The following PCDHGB3 variants were observed in gnomAD, a reference collection of about 807,000 sequenced individuals.
PCDHGB3 encodes the protein protocadherin gamma subfamily B, 3, also known as protocadherin gamma-B3.
Under a neutral mutation model 59.2 loss-of-function variants are expected in PCDHGB3, and 40 were observed. The ratio of observed to expected loss-of-function variants is 0.68; its 90% CI spans 0.52 to 0.88. The LOEUF is 0.88. Among genes scored for constraint, PCDHGB3 ranks in the 40% least tolerant of loss-of-function variants. The pLI is 0.00. For missense variants in PCDHGB3, 1,309 were observed against 1,187.9 expected (o/e 1.10, Z -1.50); for synonymous variants, 581 against 503.6 (o/e 1.15, Z -2.06).
At chr5:141,425,289 A>C (rs17208404) in intron 1 of PCDHGB3, among the ~76,000 whole-genome samples, 26,691 of 152,172 alleles carry the variant, frequency 0.18, 2,539 homozygotes, top group Admixed American at 0.28. Flanking sequence ...CATATTATAA[A>C]ACCTCATCTA....
At chr5:141,375,619 G>C in intron 1 of PCDHGB3, 1 of 1,614,216 alleles carries the variant, frequency 6.2e-7, no homozygotes, top group Non-Finnish European at 8.5e-7. Flanking sequence ...CCGACACTGG[G>C]ATTCTGTACG....
chr5:141,376,561 A>G (rs780141155), intron 1 of PCDHGB3: 3 of 1,608,212 alleles, frequency 1.9e-6, no homozygotes, highest in South Asian at 1.1e-5. Context: ...CCGCAACCCA[A>G]CTAATCAGAC....
intron 1 of PCDHGB3, among the ~76,000 whole-genome samples, chr5:141,484,389 G>A (rs1336850919): frequency 6.6e-6 from 1 of 152,140 alleles, no homozygotes; most frequent in Non-Finnish European, 1.5e-5. Flanking sequence ...GAATAAGAAA[G>A]GTTTGGTTTC....
chr5:141,489,999 G>C lies in PCDHGB3; in HGVS notation c.2416-4808G>C, dbSNP rs772783990. Reference sequence around the variant, plus strand: ...CAGTTCTACGTGTGGGAATCCCAGAGAATGCACCCATTGGTACTCTGCTGC... The same window carrying C: ...CAGTTCTACGTGTGGGAATCCCAGACAATGCACCCATTGGTACTCTGCTGC... On this transcript the variant is annotated intron_variant, in intron 1 of 3. Coordinates refer to ENST00000576222, the MANE Select transcript of PCDHGB3 (RefSeq NM_018924.5). This position sits in a 1 kb window ranked among gnomAD's most constrained non-coding sequence, Gnocchi z 4.5. 6.2e-7 allele frequency: 1 copy of C among 1,614,242 alleles called. No individual in the cohort carries two copies. Among genetic ancestry groups the C allele is most frequent in the East Asian group, 2.2e-5 (1 of 44,886 alleles).
intron 1 of PCDHGB3, chr5:141,375,182 G>A (rs1194415432): frequency 2.5e-6 from 4 of 1,613,936 alleles, no homozygotes; most frequent in South Asian, 1.1e-5. Flanking sequence ...AACAGTAATC[G>A]CCCTTTTTCA....
intron 1 of PCDHGB3, chr5:141,376,412 G>C: frequency 6.2e-7 from 1 of 1,614,166 alleles, no homozygotes; most frequent in East Asian, 2.2e-5. Flanking sequence ...CAACTATGCC[G>C]ACACGCTTAT....
chr5:141,383,995 A>G, intron 1 of PCDHGB3: 1 of 1,613,890 alleles, frequency 6.2e-7, no homozygotes, highest in East Asian at 2.2e-5. Context: ...TGGGACAGTC[A>G]TTGCTCTTTT....
chr5:141,374,657 CCGGAGCTGGTGCTGG>C (rs780169875), intron 1 of PCDHGB3: 1 of 1,612,018 alleles, frequency 6.2e-7, no homozygotes, highest in Admixed American at 1.7e-5. Context: ...GCCCAAGTAC[CCGGAGCTGGTGCTGG>C]AGGGCACACT....
At chr5:141,451,036 G>T (rs973806381) in intron 1 of PCDHGB3, among the ~76,000 whole-genome samples, 1 of 150,880 alleles carries the variant, frequency 6.6e-6, no homozygotes, top group Non-Finnish European at 1.5e-5. Flanking sequence ...CACCATATTG[G>T]CCAGGCTGGT....
intron 1 of PCDHGB3, chr5:141,395,078 G>A: frequency 1.2e-6 from 2 of 1,614,126 alleles, no homozygotes; most frequent in Non-Finnish European, 1.7e-6. Flanking sequence ...CCTATTCCCA[G>A]GAAGTCTCCC....
intron 1 of PCDHGB3, chr5:141,427,957 C>T: frequency 2.5e-6 from 4 of 1,588,402 alleles, no homozygotes; most frequent in South Asian, 1.1e-5. Context: ...GACAATGTGC[C>T]GCGGGTGCTG....
rs1183309479 is a variant in PCDHGB3 at position 141,404,628 on chromosome 5, C to G, written c.2415+31819C>G. 1.9e-6 allele frequency: 3 copies of G among 1,614,100 alleles called. No homozygotes were observed. In the South Asian group the frequency reaches 3.3e-5, roughly 18 times the overall value. Reference sequence around the variant, plus strand: ...TTTGTTTTGGACCAGAATGACAATGCCCCAGAAATCCTGTACCCTGCCCTC... The same window carrying G: ...TTTGTTTTGGACCAGAATGACAATGGCCCAGAAATCCTGTACCCTGCCCTC... On this transcript the variant is annotated intron_variant, in intron 1 of 3. Transcript: ENST00000576222.
At chr5:141,414,916 C>T in intron 1 of PCDHGB3, 2 of 1,614,194 alleles carry the variant, frequency 1.2e-6, no homozygotes, top group Non-Finnish European at 1.7e-6. Context: ...AGGCGTGGAG[C>T]TGGCGCCCCG....
intron 1 of PCDHGB3, chr5:141,376,306 G>A (rs1772539310): frequency 6.2e-7 from 1 of 1,614,202 alleles, no homozygotes; most frequent in East Asian, 2.2e-5. Flanking sequence ...CGCACTTTGT[G>A]GGCGTGGAAG....
chr5:141,468,315 C>T (rs1197043569), intron 1 of PCDHGB3: 4 of 120,552 alleles, frequency 3.3e-5, no homozygotes, highest in Non-Finnish European at 5.0e-5. Context: ...ACAAGAGCAA[C>T]GGTAAACTCC....
intron 1 of PCDHGB3, chr5:141,388,885 A>G (rs1359019533): frequency 1.9e-6 from 3 of 1,614,002 alleles, no homozygotes; most frequent in East Asian, 2.2e-5. Context: ...GTGGAGGTAG[A>G]AGTCATAGAT....
intron 1 of PCDHGB3, chr5:141,405,417 TTTTTG>T (rs767701229): frequency 7.0e-6 from 11 of 1,563,080 alleles, no homozygotes; most frequent in Non-Finnish European, 8.7e-6. Flanking sequence ...CTTTTTTTGT[TTTTTG>T]TTTTGTTTTG....
At chr5:141,384,331 G>C (rs376216978) in intron 1 of PCDHGB3, 1 of 1,613,728 alleles carries the variant, frequency 6.2e-7, no homozygotes, top group Non-Finnish European at 8.5e-7. Flanking sequence ...GACTGCACAG[G>C]ACCACGACAG....
chr5:141,419,539 G>A, intron 1 of PCDHGB3: 3 of 1,612,058 alleles, frequency 1.9e-6, no homozygotes, highest in Non-Finnish European at 2.5e-6. Flanking sequence ...ACAACGCACC[G>A]CGGGTGCTGT....
Sources: gnomAD v4.1 joint callset for allele counts (sites outside exome capture counted in the v4.1 genomes callset) on GRCh38, gnomAD v4.1.1 for gene constraint, Gnocchi (gnomAD v3.1) non-coding constraint, MANE v1.5 for transcripts, NCBI Gene and HGNC (gene_info 2026-07-23, HGNC 2026-07-21) for gene names.